Variants in PITPNM1 observed in about 807,000 individuals in gnomAD.
PITPNM1 encodes the protein membrane-associated phosphatidylinositol transfer protein 1.
PITPNM1 carries 74 observed loss-of-function variants against 133.3 expected under a neutral mutation model. That is an observed-to-expected ratio of 0.56 (90% CI 0.46 to 0.67). The LOEUF (loss-of-function observed/expected upper bound fraction) is 0.67. Among genes scored for constraint, PITPNM1 ranks in the 30% least tolerant of loss-of-function variants. The pLI, the probability that PITPNM1 is intolerant of heterozygous loss-of-function variation, is 0.00. For missense variants in PITPNM1, 1,398 were observed against 1,739.5 expected (o/e 0.80, Z 3.49); for synonymous variants, 738 against 741.4 (o/e 1.00, Z 0.08).
intron 2 of PITPNM1, among the ~76,000 whole-genome samples, chr11:67,503,390 C>T (rs1866395096): frequency 1.3e-5 from 2 of 152,162 alleles, no homozygotes; most frequent in Non-Finnish European, 2.9e-5. Context: ...CTCTCAGAGG[C>T]CCTGACCCTG....
rs757596013 is a variant in PITPNM1, at chr11:67,498,348, G to C, written c.1485-26C>G. 6.6e-7 allele frequency: 1 copy of C among 1,521,894 alleles called. No homozygotes were observed. Among genetic ancestry groups the C allele is most frequent in the African/African-American group, 1.4e-5 (1 of 72,976 alleles). 94.3% of individuals were successfully genotyped at this position (1,521,894 alleles called of 1,614,324 possible). ...CTGTAGGAGGGGGAAATGTGCGTGG[G>C]TGAGGGGCTTCCAGACCCACTCCTG... On this transcript the variant is annotated intron_variant, in intron 10 of 23. Transcript: ENST00000356404. This position sits in a 1 kb window ranked among gnomAD's most constrained non-coding sequence, Gnocchi z 5.7.
Position 67,500,330 on chromosome 11 carries a change from C to G in PITPNM1, c.732G>C (p.Leu244=). The G allele has an allele frequency of 6.2e-7, 1 of 1,612,174 alleles. No individual in the cohort carries two copies. The highest frequency in any genetic ancestry group is 2.2e-5 in the East Asian group (1 of 44,882). Residue 244 remains leucine (L), a synonymous_variant, in exon 6 of 24, where the codon CTG becomes CTC. Transcript: ENST00000356404. ...CCAGCATGCGAGCAGTCTCCTCTTCCAGTGCCCGGATGTCAGCCATGCTCA... is the reference window on the plus strand; with the variant it reads ...CCAGCATGCGAGCAGTCTCCTCTTCGAGTGCCCGGATGTCAGCCATGCTCA... ...TELSMADIRA[L]EEETARMLAQ... is the part of the protein sequence containing the mutation.
intron 23 of PITPNM1, 38 bp downstream of exon 23, chr11:67,492,895 CT>C (rs746536524): frequency 1.9e-6 from 3 of 1,597,732 alleles, no homozygotes; most frequent in Non-Finnish European, 2.6e-6. Context: ...GCCCTGCCCC[CT>C]GGTGGGGTCC....
At chr11:67,503,621 G>A (rs988531961) in intron 2 of PITPNM1, among the ~76,000 whole-genome samples, 6 of 152,014 alleles carry the variant, frequency 3.9e-5, no homozygotes, top group African/African-American at 1.5e-4. Flanking sequence ...GCACCAACCC[G>A]GCCACTGCTG....
rs1255942063 is a variant in PITPNM1, at chr11:67,498,956, G to A, written c.1217C>T (p.Ala406Val). ...AAKGIEDGAQ[A>V]PRDSEGLDGA... is the part of the protein sequence containing the mutation. ...CATACTCGCCTCTGAGTCCCTGGGT[G>A]CTTGGGCCCCATCCTCAATGCCTTT... The change falls in exon 9 of 24, where the codon GCA becomes GTA. Residue 406 changes from alanine to valine, a missense_variant. Transcript: ENST00000356404. The surrounding 1 kb of genome is among the most constrained non-coding windows in gnomAD (Gnocchi z 5.7). The A allele has an allele frequency of 9.3e-6, 15 of 1,612,864 alleles. No homozygotes were observed. The highest frequency in any genetic ancestry group is 1.3e-5 in the Non-Finnish European group (15 of 1,179,692).
intron 15 of PITPNM1, 76 bp downstream of exon 15, chr11:67,496,102 C>T: frequency 7.5e-7 from 1 of 1,336,778 alleles, no homozygotes; most frequent in Non-Finnish European, 9.9e-7. Context: ...TGGGAGCCTC[C>T]TCATGTCTTC....
At position 67,491,782 on chromosome 11, in the gene PITPNM1, C is replaced by T. The variant is rs1366532965; in HGVS notation, c.*251G>A. On this transcript the variant is annotated 3_prime_UTR_variant, in exon 24 of 24. Transcript: ENST00000356404. ...GGGTGAGTGGGTGGGGTGCAGGTGG[C>T]GTTTATTTTCATGGATTTATACACA... 6 of 506,036 alleles carry T rather than the reference C, an allele frequency of 1.2e-5. No homozygotes were observed. The highest frequency in any genetic ancestry group is 2.0e-5 in the African/African-American group (1 of 51,210). 31.3% of individuals were successfully genotyped at this position (506,036 alleles called of 1,614,324 possible).
chr11:67,498,139 A>G lies in PITPNM1; in HGVS notation c.1668T>C (p.Cys556=), dbSNP rs752405228. The part of the protein sequence containing the change: ...FLRSPEGAGF[C]GQVALIGDGV... ...ACTGTCCCTAACCGCTGACCTGCCC[A>G]CAGAAGCCGGCACCCTCAGGTGAGC... Residue 556 remains cysteine, a synonymous_variant, in exon 11 of 24, where the codon TGT becomes TGC. Coordinates refer to ENST00000356404, the MANE Select transcript of PITPNM1 (RefSeq NM_004910.3). The surrounding 1 kb of genome is among the most constrained non-coding windows in gnomAD (Gnocchi z 5.7). 3.4e-5 allele frequency: 55 copies of G among 1,612,498 alleles called. 1 individual carries two copies. The South Asian group carries it at 6.0e-4, about 18-fold the overall frequency.
At position 67,498,489 on chromosome 11, in the gene PITPNM1, G is replaced by A; in HGVS notation, c.1484+107C>T. The A allele has an allele frequency of 6.7e-7, 1 of 1,498,128 alleles. No homozygotes were observed. The highest frequency in any genetic ancestry group is 9.0e-7 in the Non-Finnish European group (1 of 1,112,296). The allele number at this position is 1,498,128 out of a possible 1,614,324, so 92.8% of individuals were successfully genotyped here. A position where few individuals can be genotyped will look rare whatever the true frequency, so the allele number is the denominator to read the frequency against. Reference sequence around the variant, plus strand: ...CATTCTCCAGAACAGGTCCAGCCATGCCAGTGACCGACCCAGGTGTCTGGC... The same window carrying A: ...CATTCTCCAGAACAGGTCCAGCCATACCAGTGACCGACCCAGGTGTCTGGC... On this transcript the variant is annotated intron_variant, in intron 10 of 23. Transcript: ENST00000356404. This position sits in a 1 kb window ranked among gnomAD's most constrained non-coding sequence, Gnocchi z 5.7.
chr11:67,502,381 A>G lies in PITPNM1; in HGVS notation c.326T>C (p.Ile109Thr). 1 of 1,613,872 alleles carries G rather than the reference A, an allele frequency of 6.2e-7. No individual in the cohort carries two copies. The highest frequency in any genetic ancestry group is 8.5e-7 in the Non-Finnish European group (1 of 1,180,010). Residue 109 changes from isoleucine to threonine, a missense_variant, in exon 4 of 24, where the codon ATT (isoleucine) becomes ACT (threonine). Transcript: ENST00000356404. The surrounding 1 kb of genome is among the most constrained non-coding windows in gnomAD (Gnocchi z 5.9). ...YTCPFVEKFSIEIETYYLPDG... is the reference protein window; with the variant it reads ...YTCPFVEKFSTEIETYYLPDG... ...AGGCAGGTAATAGGTCTCAATTTCA[A>G]TGGAGAATTTCTCCACGAAAGGGCA...
At position 67,491,862 on chromosome 11, in the gene PITPNM1, G is replaced by A. The variant is rs1372505611; in HGVS notation, c.*171C>T. On this transcript the variant is annotated 3_prime_UTR_variant, in exon 24 of 24. Transcript: ENST00000356404. ...CCCTCCTCCCTCCCCCCGGCGCTGG[G>A]TCCCCTCATATGAAAGGGAAGTAAC... is the stretch of plus-strand genomic sequence containing the variant. The A allele has an allele frequency of 2.8e-6, 2 of 711,054 alleles. No individual in the cohort carries two copies. Among genetic ancestry groups the A allele is most frequent in the East Asian group, 2.8e-5 (1 of 35,812 alleles). The allele number at this position is 711,054 out of a possible 1,614,324, so 44.0% of individuals were successfully genotyped here. A position where few individuals can be genotyped will look rare whatever the true frequency, so the allele number is the denominator to read the frequency against.
Position 67,502,875 on chromosome 11 carries a change from A to G in PITPNM1, c.79-157T>C, listed in dbSNP as rs1054771065. Among the ~76,000 whole-genome samples, 26 of 152,336 alleles carry G rather than the reference A, an allele frequency of 1.7e-4. No homozygotes were observed. The highest frequency in any genetic ancestry group is 6.3e-4 in the African/African-American group (26 of 41,572). ...CGCCCCACCAAAGCTCCCTGGGATC[A>G]GAATCACAGATGCAGCCCAGCCCCG... On this transcript the variant is annotated intron_variant, in intron 2 of 23. Transcript: ENST00000356404. This position sits in a 1 kb window ranked among gnomAD's most constrained non-coding sequence, Gnocchi z 5.9.
In PITPNM1 at chr11:67,498,281, G is replaced by C; in HGVS notation, c.1526C>G (p.Ser509Cys). The C allele has an allele frequency of 6.2e-7, 1 of 1,606,230 alleles. No homozygotes were observed. Among genetic ancestry groups the C allele is most frequent in the Non-Finnish European group, 8.5e-7 (1 of 1,176,150 alleles). ...YSHDGDSLSR[S>C]QDHIPLAALP... Reference sequence around the variant, plus strand: ...GGCAGCCAGTGGAATGTGGTCTTGGGAGCGAGACAGGCTGTCCCCATCGTG... The same window carrying C: ...GGCAGCCAGTGGAATGTGGTCTTGGCAGCGAGACAGGCTGTCCCCATCGTG... The change falls in exon 11 of 24, where the codon TCC (serine) becomes TGC (cysteine). Residue 509 changes from serine to cysteine, a missense_variant. This residue lies in a region of PITPNM1 where 574 missense variants were observed against 698.7 expected (regional missense o/e 0.82). Coordinates refer to ENST00000356404, the MANE Select transcript of PITPNM1 (RefSeq NM_004910.3). The surrounding 1 kb of genome is among the most constrained non-coding windows in gnomAD (Gnocchi z 5.7).
intron 12 of PITPNM1, 39 bp from the exon 13 acceptor site, chr11:67,497,718 G>A: frequency 6.2e-7 from 1 of 1,600,294 alleles, no homozygotes; most frequent in Non-Finnish European, 8.5e-7. Context: ...TTAGGCCTGG[G>A]GACCATTCGA....
chr11:67,493,561 T>C lies in PITPNM1; in HGVS notation c.3191A>G (p.Tyr1064Cys). ...CTGCATATCCGGCCGGCCTGTGACA[T>C]ACACGATCAGGTAGCCGGAGTCCTG... The part of the protein sequence containing the change: ...HWQDSGYLIV[Y>C]VTGRPDMQKH... The change falls in exon 22 of 24, where the codon TAT becomes TGT. Residue 1064 changes from tyrosine (Y) to cysteine (C), a missense_variant. Tyr to Cys is a radical substitution (Grantham distance 194, BLOSUM62 -2). This residue lies in a region of PITPNM1 where 233 missense variants were observed against 378.0 expected (regional missense o/e 0.62). Coordinates refer to ENST00000356404, the MANE Select transcript of PITPNM1 (RefSeq NM_004910.3). 1 of 1,560,538 alleles carries C rather than the reference T, an allele frequency of 6.4e-7. No homozygotes were observed. The highest frequency in any genetic ancestry group is 8.7e-7 in the Non-Finnish European group (1 of 1,151,690).
In PITPNM1 at chr11:67,499,972, C is replaced by T. The variant is rs1288979643; in HGVS notation, c.1005G>A (p.Met335Ile). The change falls in exon 7 of 24, where the codon ATG becomes ATA. Residue 335 changes from methionine (M) to isoleucine (I), a missense_variant. Met to Ile is a conservative substitution (Grantham distance 10). Coordinates refer to ENST00000356404, the MANE Select transcript of PITPNM1 (RefSeq NM_004910.3). ...VSPQSLSEWRMQNIARDSENS... is the reference protein window; with the variant it reads ...VSPQSLSEWRIQNIARDSENS... Reference sequence around the variant, plus strand: ...TCTCAGAGTCTCGGGCAATGTTCTGCATGCGCCACTCAGACAAGCTCTGGG... The same window carrying T: ...TCTCAGAGTCTCGGGCAATGTTCTGTATGCGCCACTCAGACAAGCTCTGGG... 2 of 1,612,652 alleles carry T rather than the reference C, an allele frequency of 1.2e-6. No individual in the cohort carries two copies. The highest frequency in any genetic ancestry group is 1.3e-5 in the African/African-American group (1 of 75,056).
chr11:67,503,493 T>C (rs1255422956), intron 2 of PITPNM1, among the ~76,000 whole-genome samples: 2 of 152,158 alleles, frequency 1.3e-5, no homozygotes, highest in Non-Finnish European at 2.9e-5. Context: ...CTGCCTTCTA[T>C]TGCTCCGGGG....
rs1279460020 is a variant in PITPNM1, at chr11:67,499,957, T to C, written c.1020A>G (p.Arg340=). Residue 340 remains arginine, a synonymous_variant, in exon 7 of 24, where the codon CGA becomes CGG. Coordinates refer to ENST00000356404, the MANE Select transcript of PITPNM1 (RefSeq NM_004910.3). ...LSEWRMQNIA[R]DSENSSEEEF... ...CTTCCTCGGAGCTGTTCTCAGAGTC[T>C]CGGGCAATGTTCTGCATGCGCCACT... 6.2e-7 allele frequency: 1 copy of C among 1,612,542 alleles called. No individual in the cohort carries two copies. The highest frequency in any genetic ancestry group is 1.7e-5 in the Admixed American group (1 of 60,018).
intron 15 of PITPNM1, among the ~76,000 whole-genome samples, 199 bp downstream of exon 15, chr11:67,495,979 C>T (rs948368641): frequency 6.6e-6 from 1 of 152,234 alleles, no homozygotes; most frequent in Non-Finnish European, 1.5e-5. Flanking sequence ...TGGCTAACCA[C>T]CCCCACCCAA....
Sources: allele counts gnomAD v4.1 joint callset (sites outside exome capture counted in the v4.1 genomes callset), GRCh38; gene constraint gnomAD v4.1.1; regional missense constraint gnomAD v4.1.1; non-coding constraint Gnocchi (gnomAD v3.1); transcripts MANE v1.5; gene names NCBI Gene and HGNC (gene_info 2026-07-23, HGNC 2026-07-21).